HCRTR2: variants seen among roughly 807,000 people sequenced by gnomAD.
HCRTR2 encodes the protein hypocretin receptor 2, also known as orexin receptor type 2.
A neutral mutation model predicts 49.0 loss-of-function variants in HCRTR2; 22 were observed. The ratio of observed to expected loss-of-function variants is 0.45; its 90% CI spans 0.32 to 0.64. HCRTR2 has a LOEUF of 0.64. Ranked by LOEUF, HCRTR2 falls within the 30% of genes least tolerant of loss-of-function variation. The pLI is 0.04. For missense variants in HCRTR2, 491 were observed against 559.4 expected (o/e 0.88, Z 1.23); for synonymous variants, 236 against 205.3 (o/e 1.15, Z -1.28).
At chr6:55,229,605 A>T (rs936676403) in intron 1 of HCRTR2, among the ~76,000 whole-genome samples, 3 of 152,198 alleles carry the variant, frequency 2.0e-5, no homozygotes, top group Non-Finnish European at 4.4e-5. Context: ...AACCTGCAGG[A>T]CGTTATGCTA....
intron 1 of HCRTR2, among the ~76,000 whole-genome samples, chr6:55,153,211 T>G (rs2127258877): frequency 6.6e-6 from 1 of 152,102 alleles, no homozygotes; most frequent in East Asian, 1.9e-4. Flanking sequence ...GTTCTATTGG[T>G]CAACATATGG....
chr6:55,187,716 C>T (rs1373770701), intron 1 of HCRTR2, among the ~76,000 whole-genome samples: 1 of 115,248 alleles, frequency 8.7e-6, no homozygotes, highest in East Asian at 2.6e-4. Context: ...CAGGTAGTGA[C>T]ATTCAGTATT....
At chr6:55,193,146 C>T (rs1765350040) in intron 1 of HCRTR2, among the ~76,000 whole-genome samples, 1 of 152,122 alleles carries the variant, frequency 6.6e-6, no homozygotes, top group Admixed American at 6.5e-5. Context: ...TATTAATTGG[C>T]AAGCACTCTT....
intron 1 of HCRTR2, among the ~76,000 whole-genome samples, chr6:55,182,172 A>G (rs1432878951): frequency 1.3e-5 from 2 of 152,226 alleles, no homozygotes; most frequent in African/African-American, 4.8e-5. Flanking sequence ...TTTGTGCACT[A>G]TCCCTAAAAG....
At chr6:55,172,204 A>T (rs1191605284), upstream of HCRTR2, among the ~76,000 whole-genome samples, 1 of 152,214 alleles carries the variant, frequency 6.6e-6, no homozygotes, top group East Asian at 1.9e-4. Context: ...GAATGAAATT[A>T]ATATATGCAC....
chr6:55,258,791 G>A (rs1330280492), intron 3 of HCRTR2, among the ~76,000 whole-genome samples: 3 of 152,112 alleles, frequency 2.0e-5, no homozygotes, highest in Non-Finnish European at 2.9e-5. Flanking sequence ...GGTGGCTCAA[G>A]CCTGTAATCC....
At chr6:55,205,658 G>T (rs539052781) in intron 1 of HCRTR2, among the ~76,000 whole-genome samples, 1 of 152,014 alleles carries the variant, frequency 6.6e-6, no homozygotes, top group South Asian at 2.1e-4. Flanking sequence ...AATAAAAAAA[G>T]AAGGAGAAAT....
intron 1 of HCRTR2, among the ~76,000 whole-genome samples, chr6:55,223,429 C>T (rs989838943): frequency 6.6e-6 from 1 of 152,118 alleles, no homozygotes; most frequent in African/African-American, 2.4e-5. Flanking sequence ...TTTAAAACAT[C>T]CTGAAGTAAT....
chr6:55,198,719 C>G (rs976991380), intron 1 of HCRTR2, among the ~76,000 whole-genome samples: 1 of 152,032 alleles, frequency 6.6e-6, no homozygotes, highest in Non-Finnish European at 1.5e-5. Flanking sequence ...ATTAGCTTAA[C>G]AAGGAAAAAA....
At chr6:55,277,709 T>A (rs980592245) in intron 5 of HCRTR2, 109 bp downstream of exon 5, 10 of 839,386 alleles carry the variant, frequency 1.2e-5, no homozygotes, top group Non-Finnish European at 1.9e-5. Flanking sequence ...ACTTTCTGCT[T>A]AGATACCTTG....
intron 2 of HCRTR2, among the ~76,000 whole-genome samples, chr6:55,254,720 A>G (rs1403560387): frequency 1.3e-5 from 2 of 151,792 alleles, no homozygotes; most frequent in South Asian, 2.1e-4. Flanking sequence ...AAGACATATT[A>G]TTCTTTATAA....
intron 1 of HCRTR2, among the ~76,000 whole-genome samples, chr6:55,125,424 G>C (rs577653698): frequency 6.6e-6 from 1 of 152,220 alleles, no homozygotes; most frequent in South Asian, 2.1e-4. Context: ...TTTCTTTAAG[G>C]ATGTTGAATA....
intron 1 of HCRTR2, among the ~76,000 whole-genome samples, chr6:55,241,516 A>T (rs1203459855): frequency 2.0e-5 from 3 of 152,112 alleles, no homozygotes; most frequent in Non-Finnish European, 2.9e-5. Context: ...TTATTTATGT[A>T]CTTATATGTA....
chr6:55,180,092 A>C lies in HCRTR2; in HGVS notation c.223+5282A>C, dbSNP rs150430082. Among the ~76,000 whole-genome samples the C allele has an allele frequency of 4.5e-3, 679 of 152,294 alleles. 1 individual carries two copies. The highest frequency in any genetic ancestry group is 0.015 in the African/African-American group (622 of 41,554). On this transcript the variant is annotated intron_variant, in intron 1 of 6. Transcript: ENST00000370862. ...ATTTGTTGAATATTTATTGGGTACT[A>C]TATGCCAGGTACTATATGTCAGGCT...
chr6:55,198,107 T>A (rs552726131), intron 1 of HCRTR2, among the ~76,000 whole-genome samples: 75 of 152,078 alleles, frequency 4.9e-4, no homozygotes, highest in Non-Finnish European at 7.6e-4. Context: ...ATCTCAAACC[T>A]TAACCTTCAC....
At chr6:55,107,285 G>T (rs1334586105) in intron 1 of HCRTR2, among the ~76,000 whole-genome samples, 2 of 152,000 alleles carry the variant, frequency 1.3e-5, no homozygotes, top group Non-Finnish European at 2.9e-5. Context: ...AAGGATATAT[G>T]ACTCAAAGTA....
At chr6:55,173,647 A>C (rs1764983232), upstream of HCRTR2, among the ~76,000 whole-genome samples, 1 of 152,216 alleles carries the variant, frequency 6.6e-6, no homozygotes, top group Admixed American at 6.5e-5. Flanking sequence ...GTGAATGTTT[A>C]ATATCATTGA....
At chr6:55,165,248 G>A (rs1764860333) in intron 1 of HCRTR2, among the ~76,000 whole-genome samples, 1 of 151,630 alleles carries the variant, frequency 6.6e-6, no homozygotes, top group Non-Finnish European at 1.5e-5. Context: ...AGTGGGATAG[G>A]GGTAGAAAGT....
At chr6:55,172,190 A>G (rs1390956231), upstream of HCRTR2, among the ~76,000 whole-genome samples, 2 of 152,204 alleles carry the variant, frequency 1.3e-5, no homozygotes, top group East Asian at 3.8e-4. Context: ...ACTTCAAATT[A>G]ACAGAATGAA....
Sources: gnomAD v4.1 joint callset for allele counts (sites outside exome capture counted in the v4.1 genomes callset) on GRCh38, gnomAD v4.1.1 for gene constraint, MANE v1.5 for transcripts, NCBI Gene and HGNC (gene_info 2026-07-23, HGNC 2026-07-21) for gene names.